The following OSBPL1A variants were observed in gnomAD, a reference collection of about 807,000 sequenced individuals.
The protein encoded by OSBPL1A is oxysterol-binding protein-related protein 1.
Under a neutral mutation model 137.1 loss-of-function variants are expected in OSBPL1A, and 80 were observed. That is an observed-to-expected ratio of 0.58 (90% CI 0.49 to 0.70). The LOEUF (loss-of-function observed/expected upper bound fraction) is 0.70. Ranked by LOEUF, OSBPL1A falls within the 30% of genes least tolerant of loss-of-function variation. The probability of loss-of-function intolerance (pLI) is 0.00; values close to 1 mark genes in which losing one functional copy is unlikely to be tolerated. For missense variants in OSBPL1A, 970 were observed against 1,129.4 expected, an observed-to-expected ratio of 0.86 and a Z score of 2.02; for synonymous variants, 365 against 389.7, an observed-to-expected ratio of 0.94 and a Z score of 0.75.
chr18:24,368,048 TTTA>T (rs1380790147), intron 3 of OSBPL1A: 6 of 305,048 alleles, frequency 2.0e-5, no homozygotes, highest in East Asian at 5.4e-5. Context: ...TATGCCTACT[TTTA>T]TTATTTTTAA....
At chr18:24,287,407 A>T (rs2090084157) in intron 14 of OSBPL1A, among the ~76,000 whole-genome samples, 1 of 152,234 alleles carries the variant, frequency 6.6e-6, no homozygotes, top group Non-Finnish European at 1.5e-5. Flanking sequence ...GAACTGGATG[A>T]CATAAGAGAG....
chr18:24,241,478 G>C (rs937518292), intron 15 of OSBPL1A, among the ~76,000 whole-genome samples: 2 of 152,140 alleles, frequency 1.3e-5, no homozygotes, highest in East Asian at 3.8e-4. Context: ...GATATGAAGA[G>C]ACACTTCTCA....
intron 14 of OSBPL1A, among the ~76,000 whole-genome samples, chr18:24,283,281 A>AATATATATATATAT (rs869287828): frequency 2.6e-5 from 2 of 78,376 alleles, no homozygotes; most frequent in African/African-American, 1.1e-4. Flanking sequence ...AAAAAAAAAA[A>AATATATATATATAT]ATATATATAT....
intron 17 of OSBPL1A, among the ~76,000 whole-genome samples, chr18:24,202,379 T>G (rs545650515): frequency 9.1e-4 from 139 of 152,374 alleles, no homozygotes; most frequent in African/African-American, 3.2e-3. Context: ...AATTGTTATT[T>G]TTATAAAGTA....
At chr18:24,289,418 G>GTTT (rs536281272) in intron 14 of OSBPL1A, among the ~76,000 whole-genome samples, 26,749 of 94,076 alleles carry the variant, frequency 0.28, 4,804 homozygotes, top group Non-Finnish European at 0.38. Context: ...GTTTTTTCCT[G>GTTT]TTTTTTTTTT....
intron 2 of OSBPL1A, among the ~76,000 whole-genome samples, chr18:24,374,587 C>A (rs1367880957): frequency 1.3e-5 from 2 of 152,198 alleles, no homozygotes; most frequent in Non-Finnish European, 2.9e-5. Flanking sequence ...TGAGGGAAGG[C>A]TGCATTTTGG....
intron 4 of OSBPL1A, chr18:24,366,691 G>C (rs2091706997): frequency 2.4e-6 from 1 of 425,444 alleles, no homozygotes; most frequent in African/African-American, 2.0e-5. Flanking sequence ...ATGCTACAGA[G>C]TGGGGGTCTC....
chr18:24,178,850 AGAG>A (rs1433051698), intron 20 of OSBPL1A, among the ~76,000 whole-genome samples: 1 of 152,192 alleles, frequency 6.6e-6, no homozygotes, highest in Non-Finnish European at 1.5e-5. Flanking sequence ...AAACTTGTGC[AGAG>A]AAGAGGAGGA....
rs528088439 is a variant in OSBPL1A at position 24,377,912 on chromosome 18, TTAGAGA to T, written c.-2-383_-2-378del. ...TTAGACATAAAAGGAAAAAACAAAATTAGAGATAAAGTCAAAGTATGACTTTATTTC... is the reference window on the plus strand; with the variant it reads ...TTAGACATAAAAGGAAAAAACAAAATTAAAGTCAAAGTATGACTTTATTTC... On this transcript the variant is annotated intron_variant, in intron 1 of 27. Coordinates refer to ENST00000319481, the MANE Select transcript of OSBPL1A (RefSeq NM_080597.4). Among the ~76,000 whole-genome samples the T allele has an allele frequency of 1.6e-4, 24 of 152,152 alleles. No individual in the cohort carries two copies. The East Asian group carries it at 4.4e-3, about 28-fold the overall frequency.
chr18:24,185,476 C>T (rs943789908), intron 18 of OSBPL1A, among the ~76,000 whole-genome samples: 3 of 152,056 alleles, frequency 2.0e-5, no homozygotes, highest in Non-Finnish European at 4.4e-5. Context: ...CGTGCTACCA[C>T]GCCCAGCTAA....
intron 7 of OSBPL1A, among the ~76,000 whole-genome samples, chr18:24,326,126 T>C (rs2090974347): frequency 6.6e-6 from 1 of 152,142 alleles, no homozygotes; most frequent in Non-Finnish European, 1.5e-5. Context: ...CATACAGAAT[T>C]GTTCTTATCA....
At chr18:24,338,060 G>GAA in intron 5 of OSBPL1A, among the ~76,000 whole-genome samples, 1 of 150,076 alleles carries the variant, frequency 6.7e-6, no homozygotes, top group South Asian at 2.1e-4. Context: ...CCATAGATTA[G>GAA]AAATTTTTCT....
intron 17 of OSBPL1A, among the ~76,000 whole-genome samples, chr18:24,199,079 G>A (rs535214964): frequency 9.2e-5 from 14 of 151,878 alleles, no homozygotes; most frequent in African/African-American, 2.7e-4. Flanking sequence ...GGCTGGTCTC[G>A]AACTCCTTAC....
At chr18:24,366,229 G>A (rs1055106556) in intron 4 of OSBPL1A, among the ~76,000 whole-genome samples, 2 of 152,138 alleles carry the variant, frequency 1.3e-5, no homozygotes, top group Admixed American at 6.5e-5. Flanking sequence ...GAGCACCCAT[G>A]CCCTCCCTGG....
chr18:24,173,247 C>G (rs1383116717), intron 21 of OSBPL1A, among the ~76,000 whole-genome samples: 1 of 152,002 alleles, frequency 6.6e-6, no homozygotes, highest in African/African-American at 2.4e-5. Flanking sequence ...GGGCCTACCT[C>G]AGGATGGAGG....
chr18:24,303,928 A>T (rs2090450897), intron 13 of OSBPL1A, among the ~76,000 whole-genome samples: 2 of 152,198 alleles, frequency 1.3e-5, no homozygotes, highest in African/African-American at 4.8e-5. Context: ...AAATATTTTA[A>T]AGGTTTAAAT....
chr18:24,259,771 G>A (rs961081914), intron 15 of OSBPL1A, among the ~76,000 whole-genome samples: 1 of 151,836 alleles, frequency 6.6e-6, no homozygotes, highest in East Asian at 1.9e-4. Flanking sequence ...TATGGCTTTT[G>A]GATAAAAAGT....
rs114842879 is a variant in OSBPL1A, at chr18:24,186,493, T to C, written c.1678-5214A>G. 5.9e-3 allele frequency among the ~76,000 whole-genome samples: 898 copies of C among 152,282 alleles called. 7 individuals are homozygous for C. The highest frequency in any genetic ancestry group is 0.021 in the African/African-American group (867 of 41,560). ...GAAGATAGTAACATCAAAAAGTTAA[T>C]AGTGGGTATCTCTAGGAGTTGGGGG... is the stretch of plus-strand genomic sequence containing the variant. On this transcript the variant is annotated intron_variant, in intron 18 of 27. Transcript: ENST00000319481.
chr18:24,167,293 A>G (rs776671418), intron 25 of OSBPL1A, 36 bp downstream of exon 25: 1 of 1,567,192 alleles, frequency 6.4e-7, no homozygotes, highest in Non-Finnish European at 8.8e-7. Context: ...TGCTAAACAC[A>G]GACAGTGAGG....
Sources: allele counts gnomAD v4.1 joint callset (sites outside exome capture counted in the v4.1 genomes callset), GRCh38; gene constraint gnomAD v4.1.1; transcripts MANE v1.5; gene names NCBI Gene and HGNC (gene_info 2026-07-23, HGNC 2026-07-21).